TEX14: variants seen among roughly 807,000 people sequenced by gnomAD.
TEX14 encodes testis expressed 14, intercellular bridge forming factor.
In TEX14, 168 loss-of-function variants were observed where a neutral mutation model predicts 178.6. The observed-to-expected ratio is 0.94, with a 90% confidence interval of 0.83 to 1.07. TEX14 has a LOEUF of 1.07. TEX14 is among the 50% of genes least tolerant of loss of function. TEX14 has a pLI of 0.00. For synonymous variants in TEX14, 626 were observed against 634.1 expected, an observed-to-expected ratio of 0.99 and a Z score of 0.19; for missense variants, 1,730 against 1,753.6, an observed-to-expected ratio of 0.99 and a Z score of 0.24.
intron 2 of TEX14, among the ~76,000 whole-genome samples, chr17:58,646,404 C>G (rs2046708335): frequency 6.6e-6 from 1 of 152,216 alleles, no homozygotes; most frequent in African/African-American, 2.4e-5. Context: ...CTCTCCACCC[C>G]ACTGGTTTTC....
chr17:58,607,228 T>C (rs2045630731), intron 10 of TEX14, among the ~76,000 whole-genome samples: 1 of 152,186 alleles, frequency 6.6e-6, no homozygotes, highest in African/African-American at 2.4e-5. Flanking sequence ...AAGGGTATGT[T>C]GTTACACCTG....
chr17:58,595,743 G>A (rs2045263858), intron 14 of TEX14, among the ~76,000 whole-genome samples: 2 of 152,350 alleles, frequency 1.3e-5, no homozygotes, highest in South Asian at 2.1e-4. Context: ...CAATGGCCAT[G>A]TGGAACAGAA....
chr17:58,642,259 T>C (rs1233660822), intron 2 of TEX14, among the ~76,000 whole-genome samples: 2 of 152,206 alleles, frequency 1.3e-5, no homozygotes, highest in Non-Finnish European at 2.9e-5. Context: ...GACATTCACA[T>C]GGCACAGTGT....
intron 28 of TEX14, among the ~76,000 whole-genome samples, chr17:58,562,227 T>TA (rs1016847670): frequency 8.5e-5 from 13 of 152,232 alleles, no homozygotes; most frequent in African/African-American, 3.1e-4. Context: ...GTCACTGAGT[T>TA]AGTTTTCTAC....
At chr17:58,674,798 G>A (rs9909635) in intron 1 of TEX14, among the ~76,000 whole-genome samples, 21,847 of 148,264 alleles carry the variant, frequency 0.15, 2,471 homozygotes, top group East Asian at 0.32. Context: ...TCAATAAAGT[G>A]GTTAAAAAAA....
rs771558805 is a variant in TEX14, at chr17:58,564,933, T to C, written c.4000A>G (p.Lys1334Glu). 1.9e-6 allele frequency: 3 copies of C among 1,610,686 alleles called. No homozygotes were observed. Among genetic ancestry groups the C allele is most frequent in the Non-Finnish European group, 2.5e-6 (3 of 1,178,262 alleles). Residue 1334 changes from lysine (K) to glutamate (E), a missense_variant, in exon 28 of 32, where the codon AAA (lysine) becomes GAA (glutamate). Lys to Glu is a moderately conservative substitution (Grantham distance 56). Transcript: ENST00000349033. The part of the protein sequence containing the change: ...RHLEEQETDS[K>E]KEDSSMLLSK... ...AAAAGCATACTACTATCTTCTTTTT[T>C]ACTGTCAGTTTCTTGTTCTTCTAAG...
Position 58,559,441 on chromosome 17 carries a change from A to G in TEX14, c.4267+12T>C, listed in dbSNP as rs1386891951. 2 of 1,162,180 alleles carry G rather than the reference A, an allele frequency of 1.7e-6. No homozygotes were observed. The highest frequency in any genetic ancestry group is 2.6e-6 in the Non-Finnish European group (2 of 775,944). 72.0% of individuals were successfully genotyped at this position (1,162,180 alleles called of 1,614,324 possible). A position where few individuals can be genotyped will look rare whatever the true frequency, so the allele number is the denominator to read the frequency against. Reference sequence around the variant, plus strand: ...ACTACAGACTACATTATAAACATACATTAATTCATACCTTCTTCAGAAGTC... The same window carrying G: ...ACTACAGACTACATTATAAACATACGTTAATTCATACCTTCTTCAGAAGTC... On this transcript the variant is annotated intron_variant, in intron 30 of 31. Coordinates refer to ENST00000349033, the MANE Select transcript of TEX14 (RefSeq NM_031272.5).
At chr17:58,689,128 C>T (rs561811980) in intron 1 of TEX14, among the ~76,000 whole-genome samples, 15 of 152,036 alleles carry the variant, frequency 9.9e-5, no homozygotes, top group African/African-American at 3.6e-4. Flanking sequence ...GATGGGGTTT[C>T]ACCGTGTTAG....
In TEX14 at chr17:58,572,067, C is replaced by T; in HGVS notation, c.3571G>A (p.Val1191Ile). The change falls in exon 24 of 32, where the codon GTT becomes ATT. Residue 1191 changes from valine to isoleucine, a missense_variant. Val to Ile is a conservative substitution (Grantham distance 29). Transcript: ENST00000349033. ...KDCLESITFQVKTEFASCWNS... is the reference protein window; with the variant it reads ...KDCLESITFQIKTEFASCWNS... ...CAGCAAGAGGCAAACTCTGTCTTAA[C>T]CTGAAATGTGATACTTTCAAGGCAG... 1.9e-6 allele frequency: 3 copies of T among 1,614,166 alleles called. No individual in the cohort carries two copies. Among genetic ancestry groups the T allele is most frequent in the Non-Finnish European group, 2.5e-6 (3 of 1,180,046 alleles).
At chr17:58,639,461 G>A (rs2144605972) in intron 2 of TEX14, among the ~76,000 whole-genome samples, 1 of 152,144 alleles carries the variant, frequency 6.6e-6, no homozygotes, top group Admixed American at 6.5e-5. Context: ...AGCACTTTGG[G>A]AGGCCAAGGC....
Position 58,602,449 on chromosome 17 carries a change from C to A in TEX14, c.1478G>T (p.Arg493Leu). 1 of 1,613,964 alleles carries A rather than the reference C, an allele frequency of 6.2e-7. No individual in the cohort carries two copies. Among genetic ancestry groups the A allele is most frequent in the East Asian group, 2.2e-5 (1 of 44,866 alleles). Residue 493 changes from arginine to leucine, a missense_variant, in exon 12 of 32, where the codon CGA becomes CTA. Around this residue, in one of 2 missense-constraint regions of TEX14, gnomAD observed 789 missense variants for 681.2 expected, o/e 1.16. Coordinates refer to ENST00000349033, the MANE Select transcript of TEX14 (RefSeq NM_031272.5). ...CCGGATATCTTGAAGGTTCATAGTTCGGTCTTTCTGCTTGACGTGGATGCC... is the reference window on the plus strand; with the variant it reads ...CCGGATATCTTGAAGGTTCATAGTTAGGTCTTTCTGCTTGACGTGGATGCC... ...KSGIHVKQKD[R>L]TMNLQDIRYI...
At chr17:58,573,376 G>A in intron 22 of TEX14, 68 bp from the exon 23 acceptor site, 1 of 1,497,992 alleles carries the variant, frequency 6.7e-7, no homozygotes, top group Non-Finnish European at 9.1e-7. Context: ...ATATTCCTGA[G>A]AGGTACTTTT....
chr17:58,647,083 A>G (rs2143204655), intron 2 of TEX14, among the ~76,000 whole-genome samples: 1 of 151,798 alleles, frequency 6.6e-6, no homozygotes, highest in Admixed American at 6.6e-5. Context: ...TGTTTTTAGT[A>G]GAGATGGGGT....
intron 1 of TEX14, among the ~76,000 whole-genome samples, chr17:58,656,925 CAAAAAA>C (rs60626361): frequency 0.28 from 22,695 of 79,844 alleles, 1,479 homozygotes; most frequent in Middle Eastern, 0.51. Flanking sequence ...TCCCATCTCA[CAAAAAA>C]AAAAAAAAAA....
At chr17:58,664,314 T>A in intron 1 of TEX14, among the ~76,000 whole-genome samples, 1 of 152,190 alleles carries the variant, frequency 6.6e-6, no homozygotes, top group African/African-American at 2.4e-5. Context: ...TGCCCCCTCA[T>A]GGCTCTGATA....
chr17:58,681,706 G>A (rs924915403), intron 1 of TEX14, among the ~76,000 whole-genome samples: 1 of 151,724 alleles, frequency 6.6e-6, no homozygotes, highest in Non-Finnish European at 1.5e-5. Context: ...AAAAATATCT[G>A]GTGGTGTGCA....
At chr17:58,633,492 C>G (rs1419937080) in intron 2 of TEX14, among the ~76,000 whole-genome samples, 5 of 152,170 alleles carry the variant, frequency 3.3e-5, no homozygotes, top group Non-Finnish European at 2.9e-5. Flanking sequence ...ACTACCCAAA[C>G]AGCAGAGGGT....
intron 21 of TEX14, among the ~76,000 whole-genome samples, chr17:58,576,261 G>A (rs947503477): frequency 1.3e-5 from 2 of 152,220 alleles, no homozygotes; most frequent in African/African-American, 4.8e-5. Context: ...CGAGGCAGGT[G>A]GATCACCTGA....
At chr17:58,587,398 C>T (rs931191833) in intron 17 of TEX14, among the ~76,000 whole-genome samples, 183 bp downstream of exon 17, 1 of 151,914 alleles carries the variant, frequency 6.6e-6, no homozygotes, top group African/African-American at 2.4e-5. Flanking sequence ...CATTTCCCTT[C>T]TGAAGTCTGT....
Sources: allele counts gnomAD v4.1 joint callset (sites outside exome capture counted in the v4.1 genomes callset), GRCh38; gene constraint gnomAD v4.1.1; regional missense constraint gnomAD v4.1.1; transcripts MANE v1.5; gene names NCBI Gene and HGNC (gene_info 2026-07-23, HGNC 2026-07-21).